Variants in WDPCP observed in about 807,000 individuals in gnomAD.
WDPCP encodes WD repeat containing planar cell polarity effector, also known as WD repeat-containing and planar cell polarity effector protein fritz homolog.
WDPCP carries 71 observed loss-of-function variants against 93.1 expected under a neutral mutation model. The observed-to-expected ratio is 0.76, with a 90% CI of 0.63 to 0.93. The LOEUF (loss-of-function observed/expected upper bound fraction) is 0.93, where lower values mean the gene tolerates loss of function less well. WDPCP is among the 40% of genes least tolerant of loss of function. The pLI, the probability that WDPCP is intolerant of heterozygous loss-of-function variation, is 0.00. For missense variants in WDPCP, 844 were observed against 887.4 expected, an observed-to-expected ratio of 0.95 and a Z score of 0.62; for synonymous variants, 315 against 315.0, an observed-to-expected ratio of 1.00 and a Z score of 0.00.
At chr2:63,542,605 G>A (rs1012404055) in intron 1 of WDPCP, among the ~76,000 whole-genome samples, 4 of 152,130 alleles carry the variant, frequency 2.6e-5, no homozygotes, top group African/African-American at 4.8e-5. Flanking sequence ...GTAACATTTT[G>A]TCTAAAACTG....
intron 6 of WDPCP, among the ~76,000 whole-genome samples, chr2:63,478,324 C>T (rs1169762236): frequency 6.6e-6 from 1 of 151,888 alleles, no homozygotes; most frequent in Non-Finnish European, 1.5e-5. Context: ...AAGCTATACC[C>T]TAGAAAAAAA....
chr2:63,837,925 G>A, the WDPCP span, among the ~76,000 whole-genome samples: 3 of 152,184 alleles, frequency 2.0e-5, no homozygotes, highest in Middle Eastern at 3.4e-3. Context: ...CCAACACGCC[G>A]AAACCCTGTC....
the WDPCP span, among the ~76,000 whole-genome samples, chr2:63,833,915 A>C: frequency 2.6e-5 from 4 of 152,160 alleles, no homozygotes; most frequent in Non-Finnish European, 4.4e-5. Flanking sequence ...TTCTCTTTAG[A>C]ATAAGAAAGA....
At chr2:63,402,966 G>C (rs1694265219) in intron 10 of WDPCP, among the ~76,000 whole-genome samples, 1 of 152,098 alleles carries the variant, frequency 6.6e-6, no homozygotes, top group African/African-American at 2.4e-5. Flanking sequence ...CTGCCATAAA[G>C]ATACATGCAC....
At chr2:63,253,861 C>CCGTT (rs1291995911) in intron 14 of WDPCP, among the ~76,000 whole-genome samples, 2 of 152,072 alleles carry the variant, frequency 1.3e-5, no homozygotes, top group East Asian at 3.8e-4. Context: ...ATCATTCAAC[C>CCGTT]CGTTGATCCC....
intron 15 of WDPCP, among the ~76,000 whole-genome samples, chr2:63,157,219 T>C (rs2103859197): frequency 6.6e-6 from 1 of 152,132 alleles, no homozygotes; most frequent in African/African-American, 2.4e-5. Flanking sequence ...CACTTAATTC[T>C]AGTATACTAT....
intron 9 of WDPCP, among the ~76,000 whole-genome samples, chr2:63,411,251 C>A (rs868140815): frequency 3.3e-5 from 5 of 152,098 alleles, no homozygotes; most frequent in African/African-American, 7.2e-5. Flanking sequence ...CTTGCAAATA[C>A]ATGGAAATTT....
intron 3 of WDPCP, among the ~76,000 whole-genome samples, chr2:63,608,872 T>C (rs1709584023): frequency 6.6e-6 from 1 of 152,142 alleles, no homozygotes; most frequent in South Asian, 2.1e-4. Context: ...GCAAGTTGAG[T>C]AAAACTACCT....
intron 10 of WDPCP, among the ~76,000 whole-genome samples, chr2:63,401,975 A>G (rs533451903): frequency 3.9e-5 from 6 of 152,224 alleles, no homozygotes; most frequent in Admixed American, 1.3e-4. Context: ...ATTACTGAGT[A>G]TATACCCAAA....
At chr2:63,655,307 G>C (rs1710154484) in intron 2 of WDPCP, among the ~76,000 whole-genome samples, 1 of 151,946 alleles carries the variant, frequency 6.6e-6, no homozygotes, top group African/African-American at 2.4e-5. Flanking sequence ...CCTTTCTCCA[G>C]CCATCTGGTT....
At chr2:63,582,016 TAA>T (rs907480322) in intron 1 of WDPCP, among the ~76,000 whole-genome samples, 3 of 150,004 alleles carry the variant, frequency 2.0e-5, no homozygotes, top group African/African-American at 7.3e-5. Context: ...AAAAGAAATG[TAA>T]TATTCGCAAT....
intron 17 of WDPCP, among the ~76,000 whole-genome samples, chr2:63,141,916 G>T (rs1429406289): frequency 6.6e-6 from 1 of 152,078 alleles, no homozygotes; most frequent in Non-Finnish European, 1.5e-5. Flanking sequence ...TCTAGTTCAT[G>T]TGCCTAAAGG....
At chr2:63,648,457 G>A (rs962374498) in intron 3 of WDPCP, among the ~76,000 whole-genome samples, 1 of 152,138 alleles carries the variant, frequency 6.6e-6, no homozygotes, top group Non-Finnish European at 1.5e-5. Context: ...GTTGGGAAAT[G>A]TATAGTTGTG....
rs779401693 is a variant in WDPCP, at chr2:63,550,226, CA to C, written c.75+37970del. Among the ~76,000 whole-genome samples, 717 of 150,226 alleles carry C rather than the reference CA, an allele frequency of 4.8e-3. 12 individuals carry two copies. The highest frequency in any genetic ancestry group is 0.012 in the East Asian group (63 of 5,104). On this transcript the variant is annotated intron_variant, in intron 1 of 17. Transcript: ENST00000272321. ...ACACACACACACACACACACACACA[CA>C]CACACACACACACCCTTCCTCTAAT...
intron 2 of WDPCP, among the ~76,000 whole-genome samples, chr2:63,791,108 C>T (rs1388392857): frequency 1.3e-5 from 2 of 152,172 alleles, no homozygotes; most frequent in Non-Finnish European, 2.9e-5. Flanking sequence ...GCCTGACTCA[C>T]CAGGGAGATA....
intron 6 of WDPCP, among the ~76,000 whole-genome samples, chr2:63,480,249 A>G (rs1289831470): frequency 6.6e-6 from 1 of 152,170 alleles, no homozygotes; most frequent in East Asian, 1.9e-4. Context: ...ACACAAACAA[A>G]TGGAAATACA....
chr2:63,283,524 G>A (rs183565310), intron 13 of WDPCP, among the ~76,000 whole-genome samples: 1 of 152,106 alleles, frequency 6.6e-6, no homozygotes, highest in East Asian at 1.9e-4. Context: ...ACATATTGCC[G>A]ATGGCTGTTT....
chr2:63,533,388 C>G (rs1261444316), intron 1 of WDPCP, among the ~76,000 whole-genome samples: 1 of 152,174 alleles, frequency 6.6e-6, no homozygotes, highest in African/African-American at 2.4e-5. Flanking sequence ...TTCTCCACCC[C>G]AGATCAACAG....
intron 1 of WDPCP, among the ~76,000 whole-genome samples, chr2:63,823,898 C>T (rs548239122): frequency 1.3e-5 from 2 of 152,044 alleles, no homozygotes; most frequent in Non-Finnish European, 2.9e-5. Flanking sequence ...ATGGGCTGGG[C>T]ATGGTGGCAC....
Sources: gnomAD v4.1 joint callset for allele counts (sites outside exome capture counted in the v4.1 genomes callset) on GRCh38, gnomAD v4.1.1 for gene constraint, MANE v1.5 for transcripts, NCBI Gene and HGNC (gene_info 2026-07-23, HGNC 2026-07-21) for gene names.